The following PRRT4 variants were observed in gnomAD, a reference collection of about 807,000 sequenced individuals.
The protein encoded by PRRT4 is proline-rich transmembrane protein 4.
A neutral mutation model predicts 55.6 loss-of-function variants in PRRT4; 59 were observed. That is an observed-to-expected ratio of 1.06 (90% CI 0.86 to 1.32). The LOEUF (loss-of-function observed/expected upper bound fraction) is 1.32, where lower values mean the gene tolerates loss of function less well. Among genes scored for constraint, PRRT4 ranks in the 40% most tolerant of loss-of-function variants. PRRT4 has a pLI of 0.00. For synonymous variants in PRRT4, 606 were observed against 601.8 expected (o/e 1.01, Z -0.10); for missense variants, 1,217 against 1,222.0 (o/e 1.00, Z 0.06).
intron 4 of PRRT4, among the ~76,000 whole-genome samples, chr7:128,355,932 C>T (rs1463896150): frequency 2.0e-5 from 3 of 152,204 alleles, no homozygotes; most frequent in Admixed American, 6.5e-5. Flanking sequence ...ATCTCTATAC[C>T]TAAGCTCCAT....
Position 128,351,563 on chromosome 7 carries a change from TC to T in PRRT4, c.1992del (p.Ser665AlafsTer226). 6.7e-7 allele frequency: 1 copy of T among 1,490,170 alleles called. No homozygotes were observed. 92.3% of individuals were successfully genotyped at this position (1,490,170 alleles called of 1,614,324 possible). A position where few individuals can be genotyped will look rare whatever the true frequency, so the allele number is the denominator to read the frequency against. ...TCCGCGTCCCCGCGAGCGATGGCGC[TC>T]CCCAGGGGCTCCTTGTCTGGGGGCC... On this transcript the variant is annotated frameshift_variant, in exon 5 of 5. Transcript: ENST00000535159. LOFTEE classifies it high-confidence loss of function.
intron 3 of PRRT4, 36 bp downstream of exon 4, chr7:128,359,113 G>T: frequency 6.5e-7 from 1 of 1,539,512 alleles, no homozygotes; most frequent in Non-Finnish European, 8.8e-7. Context: ...CACGTAGAGT[G>T]TTCCACAATA....
chr7:128,359,767 C>T lies in PRRT4; in HGVS notation c.225G>A (p.Gln75=), dbSNP rs904503663. 6.5e-6 allele frequency: 10 copies of T among 1,547,500 alleles called. No individual in the cohort carries two copies. In the African/African-American group the frequency reaches 1.1e-4, roughly 17 times the overall value. ...CCTGGCCTGGCCCAAGAGAGAGTGG[C>T]TGGGTCTCTGTGACTGGGCTCCCCC... The change falls in exon 2 of 5, where the codon CAG becomes CAA. Residue 75 remains glutamine, a synonymous_variant. Transcript: ENST00000535159.
rs1425086765 is a variant in PRRT4, at chr7:128,358,698, A to G, written c.860T>C (p.Ile287Thr). Residue 287 changes from isoleucine to threonine, a missense_variant, in exon 4 of 5, where the codon ATT becomes ACT. Ile to Thr is a moderately conservative substitution (Grantham distance 89). Transcript: ENST00000535159. The surrounding 1 kb of genome is among the most constrained non-coding windows in gnomAD (Gnocchi z 4.4). ...ATACTTACCTAATGATGTTGTTGCA[A>G]TCGAGGCAAAACTTAGGGAAGCAGC... is the stretch of plus-strand genomic sequence containing the variant. The G allele has an allele frequency of 6.4e-7, 1 of 1,551,732 alleles. No homozygotes were observed. The highest frequency in any genetic ancestry group is 2.4e-5 in the East Asian group (1 of 40,928).
In PRRT4 at chr7:128,351,578, T is replaced by A; in HGVS notation, c.1978A>T (p.Lys660Ter). The change falls in exon 5 of 5, where the codon AAG becomes TAG. Residue 660 changes from lysine (K) to a stop codon, truncating the protein, a stop_gained. Coordinates refer to ENST00000535159, the Ensembl canonical transcript of PRRT4. LOFTEE classifies it high-confidence loss of function. ...GCGATGGCGCTCCCCAGGGGCTCCT[T>A]GTCTGGGGGCCCAGTGACCCAGCCT... is the stretch of plus-strand genomic sequence containing the variant. The A allele has an allele frequency of 6.7e-7, 1 of 1,501,000 alleles. No individual in the cohort carries two copies. Among genetic ancestry groups the A allele is most frequent in the South Asian group, 1.3e-5 (1 of 79,674 alleles). 93.0% of individuals were successfully genotyped at this position (1,501,000 alleles called of 1,614,324 possible). A position where few individuals can be genotyped will look rare whatever the true frequency, so the allele number is the denominator to read the frequency against.
exon 2 of PRRT4, chr7:128,359,991 T>C: frequency 7.6e-7 from 1 of 1,310,522 alleles, no homozygotes; most frequent in African/African-American, 1.5e-5. Context: ...TGCCTGGCCA[T>C]GGCCCCACCT....
chr7:128,356,229 G>A (rs765042375), intron 4 of PRRT4, among the ~76,000 whole-genome samples: 13 of 152,110 alleles, frequency 8.5e-5, no homozygotes, highest in Non-Finnish European at 1.5e-4. Context: ...TCCAGCCTGG[G>A]TGACAGAGCA....
Position 128,359,138 on chromosome 7 carries a change from A to T in PRRT4, c.757+11T>A. 1 of 1,551,058 alleles carries T rather than the reference A, an allele frequency of 6.4e-7. No homozygotes were observed. Among genetic ancestry groups the T allele is most frequent in the African/African-American group, 1.4e-5 (1 of 73,174 alleles). The stretch of plus-strand genomic sequence containing the variant: ...GTTCCACAATAGTTTATTGCAATGA[A>T]ATAAACTCACCCAGAGAACCCGAAA... On this transcript the variant is annotated intron_variant, in intron 3 of 4. Coordinates refer to ENST00000535159, the Ensembl canonical transcript of PRRT4.
intron 4 of PRRT4, among the ~76,000 whole-genome samples, chr7:128,355,693 T>C (rs544458303): frequency 6.6e-6 from 1 of 152,266 alleles, no homozygotes; most frequent in South Asian, 2.1e-4. Context: ...CCCAACCCAC[T>C]TCCTCTGCAA....
At chr7:128,351,728 C>T (rs1233050021) in exon 5 of PRRT4, 1 of 1,470,866 alleles carries the variant, frequency 6.8e-7, no homozygotes. Context: ...AGCGCGACGC[C>T]CACCTCGCCC....
exon 5 of PRRT4, chr7:128,351,982 C>A: frequency 1.6e-6 from 2 of 1,284,892 alleles, no homozygotes; most frequent in South Asian, 4.6e-5. Flanking sequence ...CGCCCCGGCC[C>A]GCCGCCGCCG....
At chr7:128,351,442 G>T in exon 5 of PRRT4, 5 of 1,524,054 alleles carry the variant, frequency 3.3e-6, no homozygotes, top group Non-Finnish European at 4.4e-6. Context: ...CGGGGACGGG[G>T]CCGGGTTGGC....
At chr7:128,351,912 G>A in exon 5 of PRRT4, 1 of 1,318,448 alleles carries the variant, frequency 7.6e-7, no homozygotes, top group Non-Finnish European at 9.6e-7. Context: ...CCCGAGGGGC[G>A]AAGGGGCTGC....
exon 2 of PRRT4, chr7:128,359,698 A>T (rs1797200184): frequency 6.4e-7 from 1 of 1,551,432 alleles, no homozygotes; most frequent in African/African-American, 1.4e-5. Flanking sequence ...GCAATTCCCA[A>T]AGGGGGTCAG....
exon 5 of PRRT4, chr7:128,351,466 A>G: frequency 1.3e-6 from 2 of 1,520,850 alleles, no homozygotes; most frequent in Non-Finnish European, 1.8e-6. Flanking sequence ...CGCGCCTTCG[A>G]AGCCCCGGCA....
At chr7:128,350,674 C>T (rs2116428303), downstream of PRRT4, 3 of 926,214 alleles carry the variant, frequency 3.2e-6, no homozygotes, top group East Asian at 2.7e-5. Context: ...GAGAAGGTGG[C>T]ACTGATTCCC....
rs924662749 is a variant in PRRT4 at position 128,352,284 on chromosome 7, G to C, written c.1272C>G (p.His424Gln). The C allele has an allele frequency of 7.8e-6, 12 of 1,543,526 alleles. No homozygotes were observed. The African/African-American group carries it at 1.6e-4, about 21-fold the overall frequency. ...AGGCGAGCGCGGGCAGTCGATCCCT[G>C]TGCCCATAGGCGTCGTAGAAGAGCG... Residue 424 changes from histidine (H) to glutamine (Q), a missense_variant, in exon 5 of 5, where the codon CAC becomes CAG. Physicochemically the swap from His to Gln is conservative, Grantham distance 24. Around this residue, in one of 3 missense-constraint regions of PRRT4, gnomAD observed 564 missense variants for 592.9 expected, o/e 0.95. Transcript: ENST00000535159.
exon 2 of PRRT4, chr7:128,359,426 G>A (rs748886113): frequency 2.7e-6 from 4 of 1,465,052 alleles, no homozygotes; most frequent in Non-Finnish European, 9.0e-7. Flanking sequence ...AAGCGTGGGG[G>A]CTGCACCTGC....
chr7:128,352,215 G>A (rs1797000457), exon 5 of PRRT4: 15 of 1,529,252 alleles, frequency 9.8e-6, no homozygotes, highest in South Asian at 1.2e-5. Flanking sequence ...CCAGCCCCAG[G>A]CCGGCAGCCA....
Sources: gnomAD v4.1 joint callset for allele counts (sites outside exome capture counted in the v4.1 genomes callset) on GRCh38, gnomAD v4.1.1 for gene constraint, gnomAD v4.1.1 regional missense constraint, Gnocchi (gnomAD v3.1) non-coding constraint, MANE v1.5 for transcripts, NCBI Gene and HGNC (gene_info 2026-07-23, HGNC 2026-07-21) for gene names.